The following CCDC191 variants were observed in gnomAD, a reference collection of about 807,000 sequenced individuals.
CCDC191 encodes the protein coiled-coil domain containing 191.
In CCDC191, 99 loss-of-function variants were observed where a neutral mutation model predicts 114.0. The observed-to-expected ratio is 0.87, with a 90% CI of 0.74 to 1.03. CCDC191 has a LOEUF of 1.03. Ranked by LOEUF, CCDC191 falls within the 50% of genes least tolerant of loss-of-function variation. CCDC191 has a pLI of 0.00. For synonymous variants in CCDC191, 351 were observed against 376.0 expected (o/e 0.93, Z 0.77); for missense variants, 973 against 1,087.0 (o/e 0.90, Z 1.47).
intron 16 of CCDC191, among the ~76,000 whole-genome samples, chr3:113,973,596 G>GTTTT (rs61420341): frequency 6.9e-6 from 1 of 145,566 alleles, no homozygotes; most frequent in Non-Finnish European, 1.5e-5. Context: ...TGGATGGCAG[G>GTTTT]TTTTTTTTTT....
rs1269535618 is a variant in CCDC191 at position 114,034,905 on chromosome 3, T to C, written c.818+20A>G. On this transcript the variant is annotated intron_variant, in intron 6 of 16. Coordinates refer to ENST00000295878, the MANE Select transcript of CCDC191 (RefSeq NM_020817.2). ...CTGCTTAAACAGAGAAACCCCACAGTGCTTATCACACTGGCTTACATTTTC... is the reference window on the plus strand; with the variant it reads ...CTGCTTAAACAGAGAAACCCCACAGCGCTTATCACACTGGCTTACATTTTC... 1 of 1,607,960 alleles carries C rather than the reference T, an allele frequency of 6.2e-7. No individual in the cohort carries two copies. Among genetic ancestry groups the C allele is most frequent in the South Asian group, 1.1e-5 (1 of 90,814 alleles).
rs763214826 is a variant in CCDC191 at position 114,001,581 on chromosome 3, T to C, written c.2163+14A>G. The C allele has an allele frequency of 6.2e-6, 10 of 1,613,426 alleles. No homozygotes were observed. The highest frequency in any genetic ancestry group is 1.7e-4 in the Middle Eastern group (1 of 6,054). ...CCTCAAGATACAGGGACTGACCAAA[T>C]AGACAATACTAACCATTTTCTTCAG... On this transcript the variant is annotated intron_variant, in intron 13 of 16. Transcript: ENST00000295878.
chr3:113,978,915 C>G lies in CCDC191; in HGVS notation c.2403G>C (p.Gln801His). 1 of 1,614,078 alleles carries G rather than the reference C, an allele frequency of 6.2e-7. No individual in the cohort carries two copies. The highest frequency in any genetic ancestry group is 1.1e-5 in the South Asian group (1 of 91,086). Residue 801 changes from glutamine to histidine, a missense_variant, in exon 15 of 17, where the codon CAG becomes CAC. Physicochemically the swap from Gln to His is conservative, Grantham distance 24. Coordinates refer to ENST00000295878, the MANE Select transcript of CCDC191 (RefSeq NM_020817.2). ...GTATTTGGGAATAAAATTGATCAGC[C>G]TGGGCCATCTTTCTAGCCAGACTTT... ...SQESLARKMA[Q>H]ADQFYSQILL...
chr3:113,965,304 C>T lies in CCDC191; in HGVS notation c.2662G>A (p.Glu888Lys), dbSNP rs113480805. The change falls in exon 17 of 17, where the codon GAG (glutamate) becomes AAG (lysine). Residue 888 changes from glutamate to lysine, a missense_variant. By Grantham distance (56) the Glu-to-Lys change is moderately conservative. Coordinates refer to ENST00000295878, the MANE Select transcript of CCDC191 (RefSeq NM_020817.2). ...TWKKFVKFMK[E>K]ERVKEERRQQ... ...CGCCTTTCTTCTTTTACTCTTTCCT[C>T]TTTCATAAATTTTACAAACTTCTTC... The T allele has an allele frequency of 3.7e-6, 6 of 1,611,102 alleles. No homozygotes were observed. The highest frequency in any genetic ancestry group is 2.7e-5 in the African/African-American group (2 of 74,838).
At chr3:114,035,912 G>A (rs2076476254) in intron 5 of CCDC191, among the ~76,000 whole-genome samples, 1 of 152,132 alleles carries the variant, frequency 6.6e-6, no homozygotes. Flanking sequence ...CCCCAGTGCT[G>A]ATTACATATA....
intron 16 of CCDC191, 78 bp from the exon 17 acceptor site, chr3:113,965,437 TA>T: frequency 2.7e-6 from 2 of 730,778 alleles, no homozygotes; most frequent in Non-Finnish European, 2.2e-6. Flanking sequence ...AAGAACTTTA[TA>T]AAAATAATTC....
Position 113,965,264 on chromosome 3 carries a change from C to T in CCDC191, c.2702G>A (p.Arg901Lys). The change falls in exon 17 of 17, where the codon AGG becomes AAG. Residue 901 changes from arginine (R) to lysine (K), a missense_variant. Transcript: ENST00000295878. ...VKEERRQQLR[R>K]KVVEILPDFQ... Reference sequence around the variant, plus strand: ...GTCTGGAAGAATTTCAACTACCTTCCTACGAAGTTGCTGTCGCCTTTCTTC... The same window carrying T: ...GTCTGGAAGAATTTCAACTACCTTCTTACGAAGTTGCTGTCGCCTTTCTTC... The T allele has an allele frequency of 6.2e-7, 1 of 1,611,302 alleles. No individual in the cohort carries two copies. The highest frequency in any genetic ancestry group is 8.5e-7 in the Non-Finnish European group (1 of 1,178,688).
intron 6 of CCDC191, among the ~76,000 whole-genome samples, chr3:114,034,547 T>C (rs536289581): frequency 6.6e-6 from 1 of 152,310 alleles, no homozygotes; most frequent in African/African-American, 2.4e-5. Flanking sequence ...AAGATGCTCA[T>C]TGCAATCTTA....
At chr3:114,045,880 C>T (rs1216487123) in intron 3 of CCDC191, among the ~76,000 whole-genome samples, 1 of 152,186 alleles carries the variant, frequency 6.6e-6, no homozygotes. Flanking sequence ...TTCTTTATTC[C>T]CACAAGAAAT....
intron 4 of CCDC191, 192 bp from the exon 5 acceptor site, chr3:114,036,978 C>T (rs2076494266): frequency 6.6e-6 from 2 of 303,502 alleles, no homozygotes; most frequent in Non-Finnish European, 1.2e-5. Context: ...TAAAAAAGCT[C>T]CACTTACCAA....
chr3:113,965,243 G>A lies in CCDC191; in HGVS notation c.2723C>T (p.Pro908Leu), dbSNP rs140308365. The change falls in exon 17 of 17, where the codon CCA becomes CTA. Residue 908 changes from proline to leucine, a missense_variant. By Grantham distance (98) the Pro-to-Leu change is moderately conservative (BLOSUM62 -3). Transcript: ENST00000295878. The part of the protein sequence containing the change: ...QLRRKVVEIL[P>L]DFQVPGRYHE... ...GTACCTTCCAGGTACCTGGAAGTCT[G>A]GAAGAATTTCAACTACCTTCCTACG... is the stretch of plus-strand genomic sequence containing the variant. 2 of 1,611,562 alleles carry A rather than the reference G, an allele frequency of 1.2e-6. No homozygotes were observed. The highest frequency in any genetic ancestry group is 1.3e-5 in the African/African-American group (1 of 74,770).
Position 113,964,522 on chromosome 3 carries a change from TAG to T in CCDC191, c.*631_*632del, listed in dbSNP as rs1385893694. The T allele has an allele frequency of 9.2e-5, 14 of 152,354 alleles. No individual in the cohort carries two copies. Among genetic ancestry groups the T allele is most frequent in the African/African-American group, 3.1e-4 (13 of 41,578 alleles). 9.4% of individuals were successfully genotyped at this position (152,354 alleles called of 1,614,324 possible). On this transcript the variant is annotated 3_prime_UTR_variant, in exon 17 of 17. Coordinates refer to ENST00000295878, the MANE Select transcript of CCDC191 (RefSeq NM_020817.2). ...TTAATGAATTGCTGGACTGTCATGA[TAG>T]AGCTATTACCTTTTGGAATGTCCTT...
intron 14 of CCDC191, among the ~76,000 whole-genome samples, chr3:113,979,400 CTAATTGAGGAAATGCCAA>C (rs1304078616): frequency 1.3e-5 from 2 of 152,182 alleles, no homozygotes; most frequent in African/African-American, 4.8e-5. Flanking sequence ...TAACCACTGT[CTAATTGAGGAAATGCCAA>C]TACTTTCAAT....
intron 13 of CCDC191, among the ~76,000 whole-genome samples, chr3:113,995,379 G>A (rs13061976): frequency 0.21 from 32,174 of 151,932 alleles, 4,058 homozygotes; most frequent in Middle Eastern, 0.34. Context: ...ATAATACTCT[G>A]CATTTGTTAA....
At chr3:114,033,456 G>A (rs1369184472) in intron 6 of CCDC191, among the ~76,000 whole-genome samples, 1 of 152,024 alleles carries the variant, frequency 6.6e-6, no homozygotes, top group East Asian at 1.9e-4. Context: ...TAATTCCTAG[G>A]TCAAGGGATA....
At chr3:114,024,534 G>C (rs1200459312) in intron 7 of CCDC191, among the ~76,000 whole-genome samples, 3 of 152,170 alleles carry the variant, frequency 2.0e-5, no homozygotes, top group Non-Finnish European at 4.4e-5. Flanking sequence ...AAAATGATGA[G>C]TTCATGTCCT....
intron 13 of CCDC191, among the ~76,000 whole-genome samples, chr3:113,985,676 C>G (rs2075328551): frequency 6.6e-6 from 1 of 152,188 alleles, no homozygotes; most frequent in African/African-American, 2.4e-5. Flanking sequence ...ACAACAGATT[C>G]TCTCTGGGGA....
chr3:114,014,446 A>T (rs2076125165), intron 8 of CCDC191, among the ~76,000 whole-genome samples: 1 of 152,050 alleles, frequency 6.6e-6, no homozygotes, highest in Admixed American at 6.6e-5. Context: ...TAACAGGCAC[A>T]CTCCGTAAAT....
At chr3:114,006,606 ATATATATAT>A (rs2075968459) in intron 9 of CCDC191, among the ~76,000 whole-genome samples, 1 of 133,534 alleles carries the variant, frequency 7.5e-6, no homozygotes, top group South Asian at 2.3e-4. Context: ...ATATATATAT[ATATATATAT>A]ATAAATATAT....
Sources: gnomAD v4.1 joint callset for allele counts (sites outside exome capture counted in the v4.1 genomes callset) on GRCh38, gnomAD v4.1.1 for gene constraint, MANE v1.5 for transcripts, NCBI Gene and HGNC (gene_info 2026-07-23, HGNC 2026-07-21) for gene names.